The following PRICKLE2 variants were observed in gnomAD, a reference collection of about 807,000 sequenced individuals.
PRICKLE2 encodes prickle-like protein 2.
PRICKLE2 carries 21 observed loss-of-function variants against 81.4 expected under a neutral mutation model. That is an observed-to-expected ratio of 0.26 (90% confidence interval 0.18 to 0.37). The LOEUF is 0.37. Among genes scored for constraint, PRICKLE2 ranks in the 10% least tolerant of loss-of-function variants. The pLI is 1.00. For synonymous variants in PRICKLE2, 456 were observed against 421.5 expected (o/e 1.08, Z -1.00); for missense variants, 940 against 1,109.0 (o/e 0.85, Z 2.16).
chr3:64,136,065 A>T (rs56161921), intron 7 of PRICKLE2, among the ~76,000 whole-genome samples: 4 of 152,060 alleles, frequency 2.6e-5, no homozygotes, highest in African/African-American at 9.7e-5. Context: ...TAAGATATGT[A>T]TCATCCACAT....
intron 2 of PRICKLE2, among the ~76,000 whole-genome samples, chr3:64,258,297 G>T (rs547687750): frequency 6.6e-6 from 1 of 152,236 alleles, no homozygotes; most frequent in East Asian, 1.9e-4. Context: ...CTTTTTGTAA[G>T]TCTCTAACCA....
At chr3:64,101,583 C>T (rs2076663115) in intron 7 of PRICKLE2, 2 of 152,152 alleles carry the variant, frequency 1.3e-5, no homozygotes, top group African/African-American at 4.8e-5. Flanking sequence ...TTATAAACCA[C>T]TGAAACAAAT....
At chr3:64,100,111 C>A in intron 7 of PRICKLE2, 186 bp from the exon 8 acceptor site, 4 of 618,972 alleles carry the variant, frequency 6.5e-6, no homozygotes, top group Middle Eastern at 4.3e-4. Context: ...AGGTCACTAT[C>A]TACCTAGAGG....
At chr3:64,249,897 A>G (rs2079420990) in intron 2 of PRICKLE2, among the ~76,000 whole-genome samples, 1 of 152,222 alleles carries the variant, frequency 6.6e-6, no homozygotes, top group African/African-American at 2.4e-5. Flanking sequence ...TAGCATATCA[A>G]TATTGCTTTC....
In PRICKLE2 at chr3:64,147,290, G is replaced by C. The variant is rs2077472358; in HGVS notation, c.1200C>G (p.Pro400=). The part of the protein sequence containing the change: ...RDPIWRSREE[P]YHYGNKMEQN... Reference sequence around the variant, plus strand: ...GCTCCATCTTGTTCCCATAATGGTAGGGCTCTTCCCGGCTCCTCCAGATGG... The same window carrying C: ...GCTCCATCTTGTTCCCATAATGGTACGGCTCTTCCCGGCTCCTCCAGATGG... The change falls in exon 7 of 8, where the codon CCC becomes CCG. Residue 400 remains proline (P), a synonymous_variant. Transcript: ENST00000638394. The surrounding 1 kb of genome is among the most constrained non-coding windows in gnomAD (Gnocchi z 5.0). 2 of 1,613,332 alleles carry C rather than the reference G, an allele frequency of 1.2e-6. No homozygotes were observed. The highest frequency in any genetic ancestry group is 1.7e-6 in the Non-Finnish European group (2 of 1,179,430).
intron 2 of PRICKLE2, among the ~76,000 whole-genome samples, chr3:64,256,006 T>C (rs1266691632): frequency 6.6e-6 from 1 of 152,192 alleles, no homozygotes; most frequent in East Asian, 1.9e-4. Context: ...GCTGGGTCTC[T>C]GTGACATAGT....
intron 2 of PRICKLE2, among the ~76,000 whole-genome samples, chr3:64,195,684 AC>A (rs2078440836): frequency 6.6e-6 from 1 of 152,208 alleles, no homozygotes; most frequent in Non-Finnish European, 1.5e-5. Context: ...CTAAAAAAAA[AC>A]CTTTAAATTC....
At chr3:64,117,571 A>G (rs1386183494) in intron 7 of PRICKLE2, among the ~76,000 whole-genome samples, 2 of 152,220 alleles carry the variant, frequency 1.3e-5, no homozygotes, top group Non-Finnish European at 2.9e-5. Context: ...TCAAGCCAAA[A>G]GCCAGATCGG....
chr3:64,153,977 T>C (rs1238709995), intron 5 of PRICKLE2: 1 of 154,132 alleles, frequency 6.5e-6, no homozygotes, highest in Non-Finnish European at 1.4e-5. Context: ...TCCCCCAATA[T>C]AGAGTTTTTA....
chr3:64,128,214 C>T (rs985035723), intron 7 of PRICKLE2, among the ~76,000 whole-genome samples: 7 of 152,232 alleles, frequency 4.6e-5, no homozygotes, highest in East Asian at 3.9e-4. Context: ...GGGTGACAGG[C>T]ACCCATCGCT....
At chr3:64,188,878 C>A (rs577556189) in intron 2 of PRICKLE2, among the ~76,000 whole-genome samples, 1 of 152,306 alleles carries the variant, frequency 6.6e-6, no homozygotes, top group Admixed American at 6.5e-5. Flanking sequence ...TCTTTACAGA[C>A]AAAGCCTGTC....
intron 7 of PRICKLE2, among the ~76,000 whole-genome samples, chr3:64,142,317 T>TTC (rs2077375541): frequency 1.3e-5 from 2 of 149,814 alleles, no homozygotes; most frequent in African/African-American, 4.9e-5. Flanking sequence ...TTCTTTCTTT[T>TTC]TTTTTTTTTT....
chr3:64,210,534 G>A (rs768360584), intron 1 of PRICKLE2, among the ~76,000 whole-genome samples: 51 of 152,148 alleles, frequency 3.4e-4, no homozygotes, highest in Non-Finnish European at 4.6e-4. Flanking sequence ...CCTTCCGGCT[G>A]GGCTCCAGCG....
intron 1 of PRICKLE2, among the ~76,000 whole-genome samples, chr3:64,222,840 T>C (rs1475569938): frequency 1.3e-5 from 2 of 152,174 alleles, no homozygotes; most frequent in Admixed American, 6.6e-5. Flanking sequence ...AATCTAGAAA[T>C]GCATTGATTC....
At chr3:64,192,959 G>GC (rs1575646372) in intron 2 of PRICKLE2, among the ~76,000 whole-genome samples, 2 of 152,168 alleles carry the variant, frequency 1.3e-5, no homozygotes, top group African/African-American at 4.8e-5. Flanking sequence ...TCATGGAGCA[G>GC]CAAGGACGAG....
At chr3:64,159,843 G>T in intron 4 of PRICKLE2, 97 bp downstream of exon 4, 1 of 1,476,062 alleles carries the variant, frequency 6.8e-7, no homozygotes, top group Non-Finnish European at 9.5e-7. Context: ...TGTATCTCAG[G>T]CACATAGTAG....
At chr3:64,131,930 C>A (rs1004033509) in intron 7 of PRICKLE2, among the ~76,000 whole-genome samples, 1 of 152,166 alleles carries the variant, frequency 6.6e-6, no homozygotes, top group African/African-American at 2.4e-5. Context: ...GAATTTGAGC[C>A]AGCAATAAAA....
chr3:64,153,761 G>A, intron 5 of PRICKLE2: 1 of 239,738 alleles, frequency 4.2e-6, no homozygotes, highest in East Asian at 1.1e-4. Flanking sequence ...TTGTAATCCT[G>A]GTTTATCTTT....
chr3:64,183,687 A>C (rs2078173300), intron 2 of PRICKLE2, among the ~76,000 whole-genome samples: 1 of 152,184 alleles, frequency 6.6e-6, no homozygotes, highest in South Asian at 2.1e-4. Flanking sequence ...AACAATTTGG[A>C]AACATTGCCA....
Sources: gnomAD v4.1 joint callset for allele counts (sites outside exome capture counted in the v4.1 genomes callset) on GRCh38, gnomAD v4.1.1 for gene constraint, Gnocchi (gnomAD v3.1) non-coding constraint, MANE v1.5 for transcripts, NCBI Gene and HGNC (gene_info 2026-07-23, HGNC 2026-07-21) for gene names.